The following SLX4IP variants were observed in gnomAD, a reference collection of about 807,000 sequenced individuals.
SLX4IP encodes the protein SLX4 interacting protein, also known as protein SLX4IP.
In SLX4IP, 34 loss-of-function variants were observed where a neutral mutation model predicts 32.9. The ratio of observed to expected loss-of-function variants is 1.03; its 90% confidence interval spans 0.79 to 1.38. SLX4IP has a LOEUF of 1.38. Ranked by LOEUF, SLX4IP falls within the 40% of genes most tolerant of loss-of-function variation. SLX4IP has a pLI of 0.00. For missense variants in SLX4IP, 444 were observed against 479.0 expected, an observed-to-expected ratio of 0.93 and a Z score of 0.68; for synonymous variants, 172 against 171.7, an observed-to-expected ratio of 1.00 and a Z score of -0.01.
chr20:10,533,932 T>TA (rs36055869), intron 2 of SLX4IP, among the ~76,000 whole-genome samples: 89,679 of 151,886 alleles, frequency 0.59, 26,884 homozygotes, highest in South Asian at 0.75. Flanking sequence ...CTCTTATTTT[T>TA]AAAAAATTTT....
At chr20:10,451,414 C>G (rs1359392060) in intron 1 of SLX4IP, among the ~76,000 whole-genome samples, 1 of 151,974 alleles carries the variant, frequency 6.6e-6, no homozygotes, top group Non-Finnish European at 1.5e-5. Context: ...CGTGCGTTGG[C>G]CTCCCAAAGT....
intron 4 of SLX4IP, among the ~76,000 whole-genome samples, chr20:10,577,592 G>A (rs1478410370): frequency 1.3e-5 from 2 of 152,184 alleles, no homozygotes; most frequent in Non-Finnish European, 2.9e-5. Context: ...GTGACAGCAC[G>A]TACCTCTAGT....
intron 6 of SLX4IP, among the ~76,000 whole-genome samples, chr20:10,604,180 G>T (rs1276894101): frequency 6.6e-6 from 1 of 152,202 alleles, no homozygotes; most frequent in East Asian, 1.9e-4. Flanking sequence ...CAATTCTCAA[G>T]AACATCTGAC....
chr20:10,459,037 T>C (rs1201378421), intron 2 of SLX4IP, among the ~76,000 whole-genome samples: 1 of 152,262 alleles, frequency 6.6e-6, no homozygotes, highest in Non-Finnish European at 1.5e-5. Context: ...GTTTCCTGAC[T>C]TTTTAATAAT....
At chr20:10,493,006 G>A (rs950140889) in intron 2 of SLX4IP, among the ~76,000 whole-genome samples, 6 of 151,486 alleles carry the variant, frequency 4.0e-5, no homozygotes, top group African/African-American at 1.2e-4. Context: ...GTCTTGCTAT[G>A]TTGGCCAGGC....
chr20:10,455,995 T>C (rs1223718641), intron 1 of SLX4IP, among the ~76,000 whole-genome samples: 1 of 152,144 alleles, frequency 6.6e-6, no homozygotes, highest in Non-Finnish European at 1.5e-5. Context: ...TCTGAAACTT[T>C]CTGAATGCCA....
intron 2 of SLX4IP, among the ~76,000 whole-genome samples, chr20:10,458,520 C>T (rs1461230420): frequency 1.3e-5 from 2 of 152,116 alleles, no homozygotes; most frequent in Non-Finnish European, 2.9e-5. Flanking sequence ...CTCCCTCCCC[C>T]TTCCCCCACA....
intron 4 of SLX4IP, among the ~76,000 whole-genome samples, chr20:10,576,464 A>G (rs1033084027): frequency 3.0e-4 from 46 of 152,214 alleles, no homozygotes; most frequent in African/African-American, 1.1e-3. Flanking sequence ...ATAAACTCCA[A>G]TCAGATTCAC....
chr20:10,508,700 T>C (rs567516386), intron 2 of SLX4IP, among the ~76,000 whole-genome samples: 103 of 152,334 alleles, frequency 6.8e-4, no homozygotes, highest in Non-Finnish European at 1.2e-3. Flanking sequence ...CTGGTTCTCC[T>C]TCTCCGTGGG....
At chr20:10,448,685 C>A (rs561022600) in intron 1 of SLX4IP, among the ~76,000 whole-genome samples, 1 of 152,336 alleles carries the variant, frequency 6.6e-6, no homozygotes, top group Non-Finnish European at 1.5e-5. Context: ...CGAGAGCAGG[C>A]AGACGACCCC....
At chr20:10,558,361 A>C (rs1568739846) in intron 3 of SLX4IP, among the ~76,000 whole-genome samples, 5 of 119,960 alleles carry the variant, frequency 4.2e-5, no homozygotes, top group South Asian at 2.7e-4. Context: ...AAAAAAAAAA[A>C]ACAATTCGCT....
intron 3 of SLX4IP, among the ~76,000 whole-genome samples, chr20:10,558,494 A>T (rs978112876): frequency 1.3e-5 from 2 of 152,164 alleles, no homozygotes; most frequent in African/African-American, 4.8e-5. Context: ...TTATCCTTAG[A>T]TCCTCTCATG....
chr20:10,567,801 A>G (rs2066413924), intron 4 of SLX4IP, among the ~76,000 whole-genome samples: 1 of 152,212 alleles, frequency 6.6e-6, no homozygotes, highest in African/African-American at 2.4e-5. Context: ...ACATAGACCC[A>G]AAATATACCA....
chr20:10,480,472 T>C (rs1463247012), intron 2 of SLX4IP, among the ~76,000 whole-genome samples: 1 of 152,144 alleles, frequency 6.6e-6, no homozygotes, highest in East Asian at 1.9e-4. Flanking sequence ...TCCGGATGTG[T>C]ACTGTAGATT....
intron 2 of SLX4IP, among the ~76,000 whole-genome samples, chr20:10,528,518 A>C (rs1397593929): frequency 3.9e-5 from 6 of 152,224 alleles, no homozygotes; most frequent in Non-Finnish European, 1.5e-5. Flanking sequence ...TAGGAGTAAA[A>C]AGGCTTGTGG....
chr20:10,559,675 G>T (rs1003622753), intron 3 of SLX4IP, among the ~76,000 whole-genome samples: 1 of 152,060 alleles, frequency 6.6e-6, no homozygotes, highest in Non-Finnish European at 1.5e-5. Flanking sequence ...ATTGTGTTGG[G>T]CTTAAATTTT....
chr20:10,615,199 C>T (rs945022180), intron 6 of SLX4IP, among the ~76,000 whole-genome samples: 7 of 152,110 alleles, frequency 4.6e-5, no homozygotes, highest in Admixed American at 6.5e-5. Flanking sequence ...TGCACTTCTC[C>T]CTTGACCCCA....
At chr20:10,547,993 A>C (rs1008718630) in intron 2 of SLX4IP, among the ~76,000 whole-genome samples, 2 of 152,186 alleles carry the variant, frequency 1.3e-5, no homozygotes, top group South Asian at 2.1e-4. Context: ...GACAGACACT[A>C]TGTGTGCAGG....
At chr20:10,499,109 A>G (rs1259471836) in intron 2 of SLX4IP, among the ~76,000 whole-genome samples, 1 of 152,152 alleles carries the variant, frequency 6.6e-6, no homozygotes, top group Non-Finnish European at 1.5e-5. Context: ...AAATTTAGTG[A>G]TCTTATTAAC....
Sources: allele counts gnomAD v4.1 joint callset (sites outside exome capture counted in the v4.1 genomes callset), GRCh38; gene constraint gnomAD v4.1.1; transcripts MANE v1.5; gene names NCBI Gene and HGNC (gene_info 2026-07-23, HGNC 2026-07-21).